The following SORD variants were observed in gnomAD, a reference collection of about 807,000 sequenced individuals.
SORD encodes the protein sorbitol dehydrogenase.
Under a neutral mutation model 35.6 loss-of-function variants are expected in SORD, and 18 were observed. The observed-to-expected ratio is 0.51, with a 90% CI of 0.35 to 0.75. SORD has a LOEUF of 0.75. Ranked by LOEUF, SORD falls within the 30% of genes least tolerant of loss-of-function variation. The pLI, the probability that SORD is intolerant of heterozygous loss-of-function variation, is 0.01. For missense variants in SORD, 250 were observed against 390.2 expected (o/e 0.64, Z 3.03); for synonymous variants, 106 against 152.9 (o/e 0.69, Z 2.26).
intron 3 of SORD, among the ~76,000 whole-genome samples, chr15:45,054,489 GTTGT>G (rs1326714730): frequency 6.6e-6 from 1 of 152,180 alleles, no homozygotes; most frequent in East Asian, 1.9e-4. Context: ...TTTTGATGGG[GTTGT>G]TTGTCTTTTT....
At chr15:45,043,730 G>A (rs1312851024) in intron 3 of SORD, among the ~76,000 whole-genome samples, 3 of 150,090 alleles carry the variant, frequency 2.0e-5, no homozygotes, top group African/African-American at 7.4e-5. Context: ...AATAAGCCAG[G>A]TAAAGGGCTG....
intron 1 of SORD, among the ~76,000 whole-genome samples, chr15:45,028,486 A>C (rs528576584): frequency 6.6e-6 from 1 of 152,346 alleles, no homozygotes; most frequent in East Asian, 1.9e-4. Flanking sequence ...GCATCTGAAC[A>C]GGGAGAAGTA....
chr15:45,026,936 G>T (rs1467340100), intron 1 of SORD, among the ~76,000 whole-genome samples: 1 of 152,160 alleles, frequency 6.6e-6, no homozygotes, highest in Non-Finnish European at 1.5e-5. Flanking sequence ...CCTCCCTACT[G>T]CCTAAGGAGA....
intron 3 of SORD, among the ~76,000 whole-genome samples, chr15:45,049,595 G>C (rs1323272435): frequency 2.0e-5 from 3 of 152,172 alleles, no homozygotes; most frequent in Admixed American, 2.0e-4. Flanking sequence ...CATGGGACTT[G>C]GCTTTGGTTA....
chr15:45,030,800 G>T (rs2141263642), intron 1 of SORD, among the ~76,000 whole-genome samples: 2 of 152,374 alleles, frequency 1.3e-5, no homozygotes, highest in South Asian at 2.1e-4. Context: ...AGAGAAAGGA[G>T]TCACCTCTCC....
At chr15:45,029,379 G>T (rs879425964) in intron 1 of SORD, among the ~76,000 whole-genome samples, 1 of 152,168 alleles carries the variant, frequency 6.6e-6, no homozygotes, top group African/African-American at 2.4e-5. Context: ...GACCTGTGGA[G>T]TACTGGGCCT....
chr15:45,050,718 G>T (rs950904083), intron 3 of SORD: 4 of 152,134 alleles, frequency 2.6e-5, no homozygotes, highest in African/African-American at 9.7e-5. Context: ...CAACTATATT[G>T]CCATAAATCA....
chr15:45,023,378 A>G, intron 1 of SORD, 29 bp downstream of exon 1: 1 of 1,527,776 alleles, frequency 6.5e-7, no homozygotes, highest in African/African-American at 1.4e-5. Context: ...TGGGAAGCAT[A>G]CCGATCCTGC....
intron 7 of SORD, 65 bp downstream of exon 7, chr15:45,069,117 G>A (rs1595509652): frequency 1.7e-6 from 2 of 1,174,762 alleles, no homozygotes; most frequent in East Asian, 7.0e-5. Context: ...GAAGTAGGGA[G>A]TCAAACTTCT....
intron 1 of SORD, among the ~76,000 whole-genome samples, chr15:45,031,370 C>T (rs1892783752): frequency 6.6e-6 from 1 of 152,070 alleles, no homozygotes; most frequent in South Asian, 2.1e-4. Context: ...CAAGTAGCTC[C>T]AGAGACCAGC....
chr15:45,055,270 A>G (rs1363571037), intron 3 of SORD, among the ~76,000 whole-genome samples: 1 of 152,244 alleles, frequency 6.6e-6, no homozygotes, highest in East Asian at 1.9e-4. Context: ...AAAAAAGAGA[A>G]GAATCAAATA....
At chr15:45,027,565 A>G in intron 1 of SORD, among the ~76,000 whole-genome samples, 1 of 152,242 alleles carries the variant, frequency 6.6e-6, no homozygotes, top group East Asian at 1.9e-4. Flanking sequence ...ATCAGCTTAA[A>G]AAGAGGTGGA....
At chr15:45,067,530 A>G (rs1893426097) in intron 5 of SORD, among the ~76,000 whole-genome samples, 1 of 152,222 alleles carries the variant, frequency 6.6e-6, no homozygotes. Context: ...TGTGTACAAA[A>G]AGTAAACCCC....
intron 1 of SORD, among the ~76,000 whole-genome samples, chr15:45,035,522 C>T (rs528235357): frequency 2.1e-4 from 32 of 152,196 alleles, no homozygotes; most frequent in African/African-American, 7.7e-4. Context: ...CACCAATCAG[C>T]ACCCTGTCAA....
At chr15:45,058,604 A>C (rs1893254407) in intron 3 of SORD, 1 of 152,200 alleles carries the variant, frequency 6.6e-6, no homozygotes, top group Non-Finnish European at 1.5e-5. Flanking sequence ...TCAGTGTAGC[A>C]GTCTCTTTGT....
chr15:45,024,237 T>A (rs1892635417), intron 1 of SORD, among the ~76,000 whole-genome samples: 1 of 152,212 alleles, frequency 6.6e-6, no homozygotes, highest in South Asian at 2.1e-4. Flanking sequence ...CCATCTCTGC[T>A]GCTCCCCTGT....
At chr15:45,055,772 C>T (rs1893204754) in intron 3 of SORD, among the ~76,000 whole-genome samples, 4 of 151,988 alleles carry the variant, frequency 2.6e-5, no homozygotes, top group East Asian at 1.9e-4. Flanking sequence ...TCCAGCAGCA[C>T]ATCAAAAACT....
chr15:45,067,410 C>T (rs913059865), intron 5 of SORD, among the ~76,000 whole-genome samples: 8 of 151,958 alleles, frequency 5.3e-5, no homozygotes, highest in East Asian at 1.9e-4. Context: ...AGAGTTATGG[C>T]GTAATTTTTA....
At chr15:45,065,979 G>A (rs1001798305) in intron 5 of SORD, among the ~76,000 whole-genome samples, 2 of 151,930 alleles carry the variant, frequency 1.3e-5, no homozygotes, top group African/African-American at 4.8e-5. Context: ...TGGGCCAGGC[G>A]GGGTAGCTCA....
Sources: allele counts gnomAD v4.1 joint callset (sites outside exome capture counted in the v4.1 genomes callset), GRCh38; gene constraint gnomAD v4.1.1; transcripts MANE v1.5; gene names NCBI Gene and HGNC (gene_info 2026-07-23, HGNC 2026-07-21).